The following POLR3B variants were observed in gnomAD, a reference collection of about 807,000 sequenced individuals.
The protein encoded by POLR3B is DNA-directed RNA polymerase III subunit RPC2.
POLR3B carries 96 observed loss-of-function variants against 147.4 expected under a neutral mutation model. That is an observed-to-expected ratio of 0.65 (90% CI 0.55 to 0.77). The LOEUF is 0.77. Among genes scored for constraint, POLR3B ranks in the 30% least tolerant of loss-of-function variants. POLR3B has a pLI of 0.00. For synonymous variants in POLR3B, 461 were observed against 485.9 expected (o/e 0.95, Z 0.67); for missense variants, 1,036 against 1,413.5 (o/e 0.73, Z 4.28).
intron 10 of POLR3B, 120 bp from the exon 11 acceptor site, chr12:106,405,737 A>G (rs2037142782): frequency 1.1e-6 from 1 of 941,330 alleles, no homozygotes; most frequent in African/African-American, 1.6e-5. Flanking sequence ...TAGACCCAGT[A>G]CAGCTTTCTC....
chr12:106,366,417 CTAT>C lies in POLR3B; in HGVS notation c.106-93_106-91del, dbSNP rs1324136688. On this transcript the variant is annotated intron_variant, in intron 2 of 27. Transcript: ENST00000228347. ...ATTTTGATAAAAATTTGATGTTCAC[CTAT>C]TATTAGATTCCATTATATGATCTAT... 5 of 762,132 alleles carry C rather than the reference CTAT, an allele frequency of 6.6e-6. No individual in the cohort carries two copies. In the African/African-American group the frequency reaches 8.6e-5, roughly 13 times the overall value. The allele number at this position is 762,132 out of a possible 1,614,324, so 47.2% of individuals were successfully genotyped here.
chr12:106,464,296 C>T (rs553428866), intron 23 of POLR3B, among the ~76,000 whole-genome samples: 7 of 152,262 alleles, frequency 4.6e-5, no homozygotes, highest in East Asian at 3.9e-4. Flanking sequence ...CTCTGCCTGC[C>T]GCTTAGCTTT....
At chr12:106,432,535 G>A (rs1351555711) in intron 15 of POLR3B, 55 bp downstream of exon 15, 1 of 1,391,866 alleles carries the variant, frequency 7.2e-7, no homozygotes, top group Admixed American at 1.7e-5. Flanking sequence ...GAGGGGGAGG[G>A]AATCCATTAT....
At chr12:106,456,632 G>A (rs1405711754) in intron 20 of POLR3B, among the ~76,000 whole-genome samples, 2 of 152,102 alleles carry the variant, frequency 1.3e-5, no homozygotes, top group East Asian at 3.9e-4. Context: ...GCACCAAAAG[G>A]ATGTGTATCC....
rs778281040 is a variant in POLR3B, at chr12:106,504,087, C to T, written c.3105C>T (p.Pro1035=). ...CTAATAACTTGTTTCAAAGGCAACC[C>T]ACTGAAGGACGGTCTCGTGATGGTG... The part of the protein sequence containing the change: ...RGPRAVLTRQ[P]TEGRSRDGGL... Residue 1035 remains proline (P), a synonymous_variant, in exon 27 of 28, where the codon CCC becomes CCT. Transcript: ENST00000228347. The surrounding 1 kb of genome is among the most constrained non-coding windows in gnomAD (Gnocchi z 4.6). The T allele has an allele frequency of 7.4e-6, 12 of 1,613,818 alleles. No individual in the cohort carries two copies. The highest frequency in any genetic ancestry group is 9.3e-6 in the Non-Finnish European group (11 of 1,179,852).
intron 23 of POLR3B, among the ~76,000 whole-genome samples, chr12:106,469,336 T>C (rs2038055413): frequency 6.6e-6 from 1 of 151,160 alleles, no homozygotes; most frequent in African/African-American, 2.4e-5. Flanking sequence ...TTTGAGCCTA[T>C]GTGTGTCTCT....
At chr12:106,416,092 C>T (rs2037298706) in intron 12 of POLR3B, among the ~76,000 whole-genome samples, 8 of 152,120 alleles carry the variant, frequency 5.3e-5, no homozygotes, top group Admixed American at 5.2e-4. Flanking sequence ...TCAGGTTTTG[C>T]AAGTTCAGAA....
chr12:106,380,204 T>C, intron 9 of POLR3B, 65 bp downstream of exon 9: 1 of 915,854 alleles, frequency 1.1e-6, no homozygotes, highest in Non-Finnish European at 1.8e-6. Context: ...ACATATGTAA[T>C]TAGAGATTTG....
intron 19 of POLR3B, chr12:106,446,417 CA>C (rs10654233): frequency 0.23 from 36,900 of 157,580 alleles, 2,985 homozygotes; most frequent in Middle Eastern, 0.28. Flanking sequence ...CCTCTCCCCA[CA>C]AAAAAAAAAA....
rs150359682 is a variant in POLR3B at position 106,465,567 on chromosome 12, A to G, written c.2713+1947A>G. Among the ~76,000 whole-genome samples, 609 of 152,218 alleles carry G rather than the reference A, an allele frequency of 4.0e-3. 2 individuals carry two copies. Among genetic ancestry groups the G allele is most frequent in the Middle Eastern group, 6.8e-3 (2 of 292 alleles). ...GCCGTGGTGGTTTGTACACCCATCA[A>G]CCCATCACCTACATTAGGTATTTCT... On this transcript the variant is annotated intron_variant, in intron 23 of 27. Transcript: ENST00000228347.
chr12:106,358,165 G>C (rs1410331852), intron 1 of POLR3B: 1 of 1,439,860 alleles, frequency 6.9e-7, no homozygotes, highest in East Asian at 2.5e-5. Context: ...GCTGTCAGCC[G>C]CTGCGGGGGC....
chr12:106,371,938 A>G (rs2136890785), intron 6 of POLR3B, among the ~76,000 whole-genome samples: 1 of 152,142 alleles, frequency 6.6e-6, no homozygotes, highest in East Asian at 1.9e-4. Context: ...TTAAAGTATA[A>G]TAATAATAAA....
At chr12:106,455,478 A>G (rs550255829) in intron 20 of POLR3B, among the ~76,000 whole-genome samples, 200 of 152,286 alleles carry the variant, frequency 1.3e-3, no homozygotes, top group African/African-American at 4.5e-3. Flanking sequence ...CCATGCTTTA[A>G]AACTAGATGT....
Position 106,366,675 on chromosome 12 carries a change from A to G in POLR3B, c.180A>G (p.Lys60=), listed in dbSNP as rs774453914. 8.7e-6 allele frequency: 14 copies of G among 1,613,886 alleles called. No homozygotes were observed. The highest frequency in any genetic ancestry group is 1.6e-4 in the Middle Eastern group (1 of 6,062). The change falls in exon 4 of 28, where the codon AAA becomes AAG. Residue 60 remains lysine (K), a synonymous_variant. Transcript: ENST00000228347. ...CACTGCAGATAAAGAAGATAATGAA[A>G]GCCAATGAAAAGGTTACAAGTGACG... ...FINVEIKKIM[K]ANEKVTSDAD... is the part of the protein sequence containing the mutation.
chr12:106,468,604 A>G (rs1333908016), intron 23 of POLR3B, among the ~76,000 whole-genome samples: 1 of 152,144 alleles, frequency 6.6e-6, no homozygotes, highest in East Asian at 1.9e-4. Context: ...CCCTCTACAC[A>G]CTGCTTTAAA....
chr12:106,398,686 G>A (rs570109474), intron 10 of POLR3B, among the ~76,000 whole-genome samples: 30 of 152,306 alleles, frequency 2.0e-4, no homozygotes, highest in South Asian at 1.9e-3. Context: ...AGTACCTGCT[G>A]TTCTGCAGCC....
intron 9 of POLR3B, among the ~76,000 whole-genome samples, chr12:106,387,913 A>G (rs1430492503): frequency 6.6e-6 from 1 of 152,264 alleles, no homozygotes; most frequent in Non-Finnish European, 1.5e-5. Flanking sequence ...AGTTGTCTTT[A>G]TGGTCAGAAA....
At chr12:106,380,616 G>A (rs1166582283) in intron 9 of POLR3B, among the ~76,000 whole-genome samples, 1 of 152,046 alleles carries the variant, frequency 6.6e-6, no homozygotes, top group Admixed American at 6.6e-5. Flanking sequence ...AAGCGTGGTG[G>A]CATGTGCCTA....
At chr12:106,412,721 G>A (rs2037244665) in intron 12 of POLR3B, among the ~76,000 whole-genome samples, 1 of 152,162 alleles carries the variant, frequency 6.6e-6, no homozygotes, top group South Asian at 2.1e-4. Flanking sequence ...GTACTCAGCG[G>A]CATTTTATTG....
Sources: allele counts gnomAD v4.1 joint callset (sites outside exome capture counted in the v4.1 genomes callset), GRCh38; gene constraint gnomAD v4.1.1; non-coding constraint Gnocchi (gnomAD v3.1); transcripts MANE v1.5; gene names NCBI Gene and HGNC (gene_info 2026-07-23, HGNC 2026-07-21).